AFF1: variants seen among roughly 807,000 people sequenced by gnomAD.
AFF1 encodes the protein AF4/FMR2 family member 1.
In AFF1, 48 loss-of-function variants were observed where a neutral mutation model predicts 121.7. That is an observed-to-expected ratio of 0.39 (90% CI 0.31 to 0.50). The LOEUF is 0.50. AFF1 is among the 20% of genes least tolerant of loss of function. AFF1 has a pLI of 0.76. For missense variants in AFF1, 1,523 were observed against 1,511.7 expected (o/e 1.01, Z -0.12); for synonymous variants, 613 against 563.0 (o/e 1.09, Z -1.26).
intron 1 of AFF1, chr4:86,936,376 G>C (rs1719994071): frequency 6.6e-6 from 1 of 152,288 alleles, no homozygotes; most frequent in African/African-American, 2.4e-5. Flanking sequence ...AGTGAGAAGA[G>C]CTCAGAAACT....
intron 2 of AFF1, among the ~76,000 whole-genome samples, chr4:86,984,772 T>C (rs1302995170): frequency 6.6e-6 from 1 of 152,032 alleles, no homozygotes; most frequent in African/African-American, 2.4e-5. Flanking sequence ...CTTGTCTATA[T>C]AAAAAATTTT....
intron 6 of AFF1, among the ~76,000 whole-genome samples, chr4:87,090,669 A>G (rs1724208432): frequency 6.6e-6 from 1 of 152,140 alleles, no homozygotes; most frequent in African/African-American, 2.4e-5. Context: ...TATACATAAT[A>G]CATATATTGA....
At chr4:87,019,733 C>A (rs888437858) in intron 2 of AFF1, among the ~76,000 whole-genome samples, 1 of 152,188 alleles carries the variant, frequency 6.6e-6, no homozygotes, top group African/African-American at 2.4e-5. Context: ...TTTGTAATGT[C>A]CTTTACAATA....
chr4:87,067,794 A>G (rs1721513521), intron 4 of AFF1, among the ~76,000 whole-genome samples: 1 of 152,258 alleles, frequency 6.6e-6, no homozygotes, highest in Non-Finnish European at 1.5e-5. Flanking sequence ...AGAAAATTAT[A>G]GCCTGATTTG....
Position 87,114,993 on chromosome 4 carries a change from C to T in AFF1, c.2160C>T (p.Pro720=), listed in dbSNP as rs1341495793. 1.2e-6 allele frequency: 2 copies of T among 1,613,900 alleles called. No individual in the cohort carries two copies. Among genetic ancestry groups the T allele is most frequent in the African/African-American group, 1.3e-5 (1 of 74,928 alleles). ...LVPLTESQGP[P]HSGSGSRTSG... is the part of the protein sequence containing the mutation. ...CCCTGACTGAGAGCCAGGGCCCACC[C>T]CACAGTGGCAGCGGCAGCAGGACTA... The change falls in exon 12 of 21, where the codon CCC becomes CCT. Residue 720 remains proline (P), a synonymous_variant. Transcript: ENST00000395146.
Position 87,131,108 on chromosome 4 carries a change from A to G in AFF1, c.2990A>G (p.Lys997Arg). The stretch of plus-strand genomic sequence containing the variant: ...ACGGACAGGGTTGGAAAGGCTTTTA[A>G]GTACCTGGAAGCCGTCTTGTCCTTC... Reference protein sequence around the residue: ...LMTDRVGKAFKYLEAVLSFIE... With the variant: ...LMTDRVGKAFRYLEAVLSFIE... The change falls in exon 17 of 21, where the codon AAG becomes AGG. Residue 997 changes from lysine (K) to arginine (R), a missense_variant. This residue lies in a region of AFF1 where 6 missense variants were observed against 18.8 expected (regional missense o/e 0.32). Coordinates refer to ENST00000395146, the MANE Select transcript of AFF1 (RefSeq NM_001166693.3). The G allele has an allele frequency of 6.2e-7, 1 of 1,614,222 alleles. No homozygotes were observed.
chr4:87,046,399 ATAACTTATTC>A (rs1473983430), intron 3 of AFF1, 113 bp downstream of exon 3: 17 of 1,371,818 alleles, frequency 1.2e-5, no homozygotes, highest in African/African-American at 5.8e-5. Context: ...TGAAAATAAG[ATAACTTATTC>A]TAACTTATTC....
chr4:87,115,500 G>A (rs990733817), intron 12 of AFF1, among the ~76,000 whole-genome samples: 8 of 150,890 alleles, frequency 5.3e-5, no homozygotes, highest in Non-Finnish European at 1.2e-4. Flanking sequence ...ATTAACACGT[G>A]TTATGTCCTT....
intron 2 of AFF1, among the ~76,000 whole-genome samples, chr4:87,013,536 T>C (rs1328526998): frequency 6.6e-6 from 1 of 152,168 alleles, no homozygotes; most frequent in East Asian, 1.9e-4. Context: ...TTGACTGCAT[T>C]CTAAAAAGTA....
chr4:86,949,703 G>A (rs936270419), intron 2 of AFF1: 80 of 1,578,900 alleles, frequency 5.1e-5, no homozygotes, highest in Non-Finnish European at 6.4e-5. Context: ...GCGCAGGGGC[G>A]GGTAGTCCCG....
At chr4:87,103,838 C>G (rs1019894189) in intron 8 of AFF1, among the ~76,000 whole-genome samples, 3 of 152,164 alleles carry the variant, frequency 2.0e-5, no homozygotes, top group African/African-American at 7.2e-5. Flanking sequence ...TAAGGCAAAT[C>G]AGTTTTATTC....
intron 2 of AFF1, among the ~76,000 whole-genome samples, chr4:87,038,661 G>A (rs917975991): frequency 2.6e-5 from 4 of 152,118 alleles, no homozygotes; most frequent in Admixed American, 6.6e-5. Context: ...TGGGATTGCC[G>A]AACTTTTGTG....
At chr4:87,086,705 C>T (rs976263886) in intron 5 of AFF1, among the ~76,000 whole-genome samples, 1 of 152,164 alleles carries the variant, frequency 6.6e-6, no homozygotes, top group Non-Finnish European at 1.5e-5. Context: ...CTCCAGGGTC[C>T]ATTCCAGCTC....
chr4:87,137,637 A>G lies in AFF1; in HGVS notation c.*1936A>G, dbSNP rs1364265860. On this transcript the variant is annotated 3_prime_UTR_variant, in exon 21 of 21. Transcript: ENST00000395146. ...TAAAGCAAAGCCCTGGTCCTTTTTAAACTACTAGTTTTAAAAACCTGTGTT... is the reference window on the plus strand; with the variant it reads ...TAAAGCAAAGCCCTGGTCCTTTTTAGACTACTAGTTTTAAAAACCTGTGTT... 4.3e-6 allele frequency: 1 copy of G among 232,090 alleles called. No individual in the cohort carries two copies. Among genetic ancestry groups the G allele is most frequent in the Non-Finnish European group, 8.5e-6 (1 of 117,394 alleles). 14.4% of individuals were successfully genotyped at this position (232,090 alleles called of 1,614,324 possible). A position where few individuals can be genotyped will look rare whatever the true frequency, so the allele number is the denominator to read the frequency against.
At chr4:87,125,987 A>G (rs1297161589) in intron 13 of AFF1, 112 bp from the exon 14 acceptor site, 3 of 1,109,394 alleles carry the variant, frequency 2.7e-6, no homozygotes, top group African/African-American at 3.1e-5. Context: ...ACACAGTTTC[A>G]TGCTTTGTGA....
rs1045601918 is a variant in AFF1, at chr4:87,056,087, A to AT, written c.1059+8503dup. On this transcript the variant is annotated intron_variant, in intron 4 of 20. Coordinates refer to ENST00000395146, the MANE Select transcript of AFF1 (RefSeq NM_001166693.3). The stretch of plus-strand genomic sequence containing the variant: ...TAAATTTGGCCTACTTTCTCTCTGC[A>AT]TTTTTTTTTTCCTAACCCCGTGGTA... 2.6e-3 allele frequency among the ~76,000 whole-genome samples: 384 copies of AT among 146,514 alleles called. 1 individual carries two copies. The highest frequency in any genetic ancestry group is 8.1e-3 in the African/African-American group (326 of 40,030).
intron 19 of AFF1, among the ~76,000 whole-genome samples, chr4:87,133,664 C>T (rs1174583090): frequency 6.6e-6 from 1 of 152,238 alleles, no homozygotes; most frequent in Non-Finnish European, 1.5e-5. Context: ...CCTCATGGAG[C>T]TTTCACTCTA....
At chr4:87,072,130 G>A (rs975755244) in intron 4 of AFF1, among the ~76,000 whole-genome samples, 2 of 152,134 alleles carry the variant, frequency 1.3e-5, no homozygotes, top group African/African-American at 4.8e-5. Context: ...TTGGGAGGCC[G>A]AGGTGGGCGG....
At chr4:87,037,972 TTAAAAA>T (rs1729735084) in intron 2 of AFF1, among the ~76,000 whole-genome samples, 1 of 141,746 alleles carries the variant, frequency 7.1e-6, no homozygotes, top group African/African-American at 2.4e-5. Context: ...ACATAAAACT[TTAAAAA>T]TAAATACTAT....
Sources: allele counts gnomAD v4.1 joint callset (sites outside exome capture counted in the v4.1 genomes callset), GRCh38; gene constraint gnomAD v4.1.1; regional missense constraint gnomAD v4.1.1; transcripts MANE v1.5; gene names NCBI Gene and HGNC (gene_info 2026-07-23, HGNC 2026-07-21).